The following UBE3D variants were observed in gnomAD, a reference collection of about 807,000 sequenced individuals.
UBE3D encodes ubiquitin protein ligase E3D, also known as E3 ubiquitin-protein ligase E3D.
UBE3D carries 48 observed loss-of-function variants against 49.6 expected under a neutral mutation model. That is an observed-to-expected ratio of 0.97 (90% CI 0.77 to 1.23). UBE3D has a LOEUF of 1.23. Among genes scored for constraint, UBE3D ranks in the 50% most tolerant of loss-of-function variants. The pLI, the probability that UBE3D is intolerant of heterozygous loss-of-function variation, is 0.00. For synonymous variants in UBE3D, 189 were observed against 174.2 expected (o/e 1.08, Z -0.67); for missense variants, 452 against 468.4 (o/e 0.96, Z 0.32).
At chr6:83,055,482 G>C (rs1209795614) in intron 2 of UBE3D, among the ~76,000 whole-genome samples, 2 of 152,214 alleles carry the variant, frequency 1.3e-5, no homozygotes, top group African/African-American at 4.8e-5. Flanking sequence ...ACTTTGAGCA[G>C]ATTAAAAGGA....
At chr6:82,887,717 A>G (rs1259955725), downstream of UBE3D, among the ~76,000 whole-genome samples, 16 of 151,922 alleles carry the variant, frequency 1.1e-4, no homozygotes, top group Admixed American at 1.0e-3. Flanking sequence ...CCCCCAAAAA[A>G]AAAGAAAGAA....
chr6:82,887,203 A>G, the UBE3D span, among the ~76,000 whole-genome samples: 1 of 151,352 alleles, frequency 6.6e-6, no homozygotes, highest in East Asian at 2.0e-4. Flanking sequence ...AGGTGCCTGT[A>G]GTCTACTTGG....
intron 8 of UBE3D, 70 bp downstream of exon 8, chr6:83,018,903 T>G: frequency 6.4e-7 from 1 of 1,570,982 alleles, no homozygotes; most frequent in Non-Finnish European, 8.6e-7. Context: ...AATTCATTAA[T>G]TTCTTAACAC....
At position 82,957,458 on chromosome 6, in the gene UBE3D, A is replaced by C. The variant is rs1401353019; in HGVS notation, c.1011-8T>G. On this transcript the variant is annotated splice_region_variant and splice_polypyrimidine_tract_variant and intron_variant, in intron 8 of 9. Coordinates refer to ENST00000369747, the MANE Select transcript of UBE3D (RefSeq NM_198920.3). ...TCCCACAAGCTGACAAGTCTGGAAC[A>C]CACCAACACATTAACTTTCAAAAAT... 10 of 1,600,642 alleles carry C rather than the reference A, an allele frequency of 6.2e-6. No homozygotes were observed. Among genetic ancestry groups the C allele is most frequent in the Non-Finnish European group, 8.5e-6 (10 of 1,175,664 alleles).
At chr6:82,988,330 G>T (rs1388985404) in intron 8 of UBE3D, among the ~76,000 whole-genome samples, 1 of 151,998 alleles carries the variant, frequency 6.6e-6, no homozygotes, top group Admixed American at 6.6e-5. Context: ...TTATTACATT[G>T]TTCTGGAACT....
At chr6:83,061,119 T>G (rs1296465500) in intron 1 of UBE3D, among the ~76,000 whole-genome samples, 1 of 152,192 alleles carries the variant, frequency 6.6e-6, no homozygotes, top group Non-Finnish European at 1.5e-5. Flanking sequence ...ACTTCTGTTA[T>G]ATTCCTGCCA....
chr6:82,902,658 G>A (rs546307240), intron 9 of UBE3D, among the ~76,000 whole-genome samples: 54 of 152,282 alleles, frequency 3.5e-4, no homozygotes, highest in African/African-American at 1.2e-3. Context: ...TGCAACAGGA[G>A]GGATTCCTGT....
intron 8 of UBE3D, among the ~76,000 whole-genome samples, chr6:82,998,704 A>G (rs1779412237): frequency 6.6e-6 from 1 of 152,204 alleles, no homozygotes; most frequent in East Asian, 1.9e-4. Flanking sequence ...TACCAGATCT[A>G]AGTTTCAGTA....
intron 8 of UBE3D, among the ~76,000 whole-genome samples, chr6:82,973,661 G>C (rs1777510578): frequency 6.6e-6 from 1 of 152,080 alleles, no homozygotes; most frequent in South Asian, 2.1e-4. Context: ...GAAGAGGCTA[G>C]CCTCAGTATT....
intron 1 of UBE3D, among the ~76,000 whole-genome samples, 160 bp downstream of exon 1, chr6:83,065,482 C>G (rs6915334): frequency 0.9 from 137,489 of 152,192 alleles, 62,133 homozygotes; most frequent in East Asian, 0.96. Context: ...AGTGGCGGAG[C>G]CGACTACAGG....
At chr6:83,028,619 C>A (rs1188881551) in intron 5 of UBE3D, among the ~76,000 whole-genome samples, 1 of 152,174 alleles carries the variant, frequency 6.6e-6, no homozygotes, top group Non-Finnish European at 1.5e-5. Flanking sequence ...AATGGGCAAA[C>A]TGCAAAGAAA....
At chr6:82,938,890 C>A (rs1180235950) in intron 9 of UBE3D, among the ~76,000 whole-genome samples, 3 of 152,090 alleles carry the variant, frequency 2.0e-5, no homozygotes, top group African/African-American at 7.2e-5. Context: ...CATTTAAGAA[C>A]TAGCACCATA....
chr6:83,038,353 A>C (rs779693052), intron 5 of UBE3D, 63 bp downstream of exon 5: 48 of 1,314,694 alleles, frequency 3.7e-5, no homozygotes, highest in Non-Finnish European at 5.2e-5. Context: ...TTTACTATAA[A>C]ATATCATTCT....
intron 9 of UBE3D, among the ~76,000 whole-genome samples, chr6:82,941,149 T>C (rs1214726530): frequency 6.6e-6 from 1 of 152,056 alleles, no homozygotes; most frequent in African/African-American, 2.4e-5. Context: ...GAGGTTGCAA[T>C]GAGCTGAGAT....
intron 8 of UBE3D, among the ~76,000 whole-genome samples, chr6:82,971,572 C>G (rs1422837827): frequency 6.6e-6 from 1 of 151,962 alleles, no homozygotes; most frequent in Non-Finnish European, 1.5e-5. Context: ...AGGTACAAAG[C>G]AAGGATTAAA....
At chr6:82,935,600 C>T (rs537189963) in intron 9 of UBE3D, among the ~76,000 whole-genome samples, 13 of 152,124 alleles carry the variant, frequency 8.5e-5, no homozygotes, top group Non-Finnish European at 1.2e-4. Context: ...TTTAAAACTC[C>T]ACACTGAAGA....
intron 1 of UBE3D, among the ~76,000 whole-genome samples, chr6:83,062,985 A>C (rs1201688200): frequency 1.3e-5 from 2 of 152,220 alleles, no homozygotes; most frequent in African/African-American, 4.8e-5. Flanking sequence ...CTAGAAAATA[A>C]ACCTGCCAAA....
At chr6:83,004,523 T>C (rs763935496) in intron 8 of UBE3D, among the ~76,000 whole-genome samples, 1 of 152,164 alleles carries the variant, frequency 6.6e-6, no homozygotes, top group African/African-American at 2.4e-5. Context: ...GTGTACCCAA[T>C]TGGGATGCAC....
At chr6:82,974,903 C>A (rs964810104) in intron 8 of UBE3D, among the ~76,000 whole-genome samples, 1 of 151,928 alleles carries the variant, frequency 6.6e-6, no homozygotes, top group African/African-American at 2.4e-5. Flanking sequence ...GTGAGGAAAG[C>A]TTATAATTAT....
Sources: gnomAD v4.1 joint callset for allele counts (sites outside exome capture counted in the v4.1 genomes callset) on GRCh38, gnomAD v4.1.1 for gene constraint, MANE v1.5 for transcripts, NCBI Gene and HGNC (gene_info 2026-07-23, HGNC 2026-07-21) for gene names.